GSE1: variants seen among roughly 807,000 people sequenced by gnomAD.
GSE1 encodes the protein Gse1 coiled-coil protein.
A neutral mutation model predicts 112.6 loss-of-function variants in GSE1; 32 were observed. The observed-to-expected ratio is 0.28, with a 90% CI of 0.21 to 0.38. The LOEUF (loss-of-function observed/expected upper bound fraction) is 0.38, where lower values mean the gene tolerates loss of function less well. Among genes scored for constraint, GSE1 ranks in the 10% least tolerant of loss-of-function variants. The pLI is 1.00. For missense variants in GSE1, 2,348 were observed against 1,699.2 expected (o/e 1.38, Z -6.71); for synonymous variants, 1,115 against 735.6 (o/e 1.52, Z -8.35).
intron 1 of GSE1, among the ~76,000 whole-genome samples, chr16:85,178,320 G>C (rs2074509909): frequency 6.6e-6 from 1 of 152,062 alleles, no homozygotes; most frequent in Non-Finnish European, 1.5e-5. Flanking sequence ...CTGGATGTTG[G>C]GGGGTAATGT....
chr16:85,171,160 G>A (rs1295587615), exon 1 of GSE1: 1 of 985,678 alleles, frequency 1.0e-6, no homozygotes, highest in African/African-American at 1.7e-5. Context: ...GGATGTCTGG[G>A]CCCTGTACCG....
At position 85,383,584 on chromosome 16, in the gene GSE1, ACTC is replaced by A. The variant is rs201905329; in HGVS notation, c.2464+25955_2464+25957del. On this transcript the variant is annotated intron_variant, in intron 2 of 2. Transcript: ENST00000637419. ...CTCTCTCTCTCTCTCTGACACTCAT[ACTC>A]CTCCTCCTCCTCCAGACCAGCCTGG... is the stretch of plus-strand genomic sequence containing the variant. Among the ~76,000 whole-genome samples the A allele has an allele frequency of 6.0e-3, 865 of 143,008 alleles. 9 individuals are homozygous for A. The highest frequency in any genetic ancestry group is 0.022 in the African/African-American group (815 of 37,078). 93.8% of individuals were successfully genotyped at this position (143,008 alleles called of 152,430 possible). A position where few individuals can be genotyped will look rare whatever the true frequency, so the allele number is the denominator to read the frequency against.
At chr16:85,175,400 C>T (rs1198120186) in intron 1 of GSE1, among the ~76,000 whole-genome samples, 2 of 152,180 alleles carry the variant, frequency 1.3e-5, no homozygotes, top group African/African-American at 4.8e-5. Context: ...GGAAGGACCC[C>T]GGGCTTGCCT....
exon 1 of GSE1, chr16:85,170,584 C>G (rs1187982339): frequency 2.0e-6 from 2 of 985,458 alleles, no homozygotes; most frequent in African/African-American, 3.5e-5. Context: ...CCGTGTCCCC[C>G]GGGCTCTCCA....
chr16:85,297,781 G>T (rs1421339276), intron 1 of GSE1, among the ~76,000 whole-genome samples: 1 of 152,196 alleles, frequency 6.6e-6, no homozygotes, highest in Non-Finnish European at 1.5e-5. Context: ...AAAGTGCTGG[G>T]ACTACAGACG....
At chr16:85,560,326 G>A (rs1005762015) in intron 1 of GSE1, among the ~76,000 whole-genome samples, 2 of 151,820 alleles carry the variant, frequency 1.3e-5, no homozygotes, top group African/African-American at 4.8e-5. Context: ...TAGTAGAGAC[G>A]GGGTTTTACC....
chr16:85,600,645 C>G (rs944161016), intron 1 of GSE1, among the ~76,000 whole-genome samples: 2 of 152,078 alleles, frequency 1.3e-5, no homozygotes, highest in African/African-American at 2.4e-5. Context: ...CCTGGTGGCT[C>G]TTTGCAAAAC....
intron 1 of GSE1, among the ~76,000 whole-genome samples, chr16:85,317,280 C>T (rs2046005277): frequency 6.6e-6 from 1 of 152,184 alleles, no homozygotes; most frequent in African/African-American, 2.4e-5. Context: ...TGGCTGTTGA[C>T]AGCAGGCATG....
intron 1 of GSE1, among the ~76,000 whole-genome samples, chr16:85,297,898 G>T (rs2045413139): frequency 6.6e-6 from 1 of 152,186 alleles, no homozygotes; most frequent in Admixed American, 6.5e-5. Context: ...TATTTTCAGG[G>T]TGCCGTGGAA....
At chr16:85,365,458 C>A (rs77677403) in intron 2 of GSE1, among the ~76,000 whole-genome samples, 1 of 152,186 alleles carries the variant, frequency 6.6e-6, no homozygotes, top group South Asian at 2.1e-4. Flanking sequence ...GCTGGGAACA[C>A]GAAAGAAGGA....
chr16:85,247,198 C>T (rs1010144321), intron 1 of GSE1, among the ~76,000 whole-genome samples: 4 of 152,172 alleles, frequency 2.6e-5, no homozygotes, highest in African/African-American at 9.7e-5. Flanking sequence ...GATTTCGCCA[C>T]GGGCTGGATG....
intron 2 of GSE1, among the ~76,000 whole-genome samples, chr16:85,430,861 G>GC (rs942219780): frequency 1.3e-5 from 2 of 152,220 alleles, no homozygotes; most frequent in Non-Finnish European, 1.5e-5. Flanking sequence ...GCCGGGCCCT[G>GC]CCCCGGGGTC....
chr16:85,434,885 T>A (rs2049208350), intron 2 of GSE1, among the ~76,000 whole-genome samples: 1 of 152,232 alleles, frequency 6.6e-6, no homozygotes, highest in Admixed American at 6.5e-5. Context: ...CATCTTGGTC[T>A]GCTGCCCCGT....
chr16:85,639,195 C>T (rs1286528608), intron 2 of GSE1, among the ~76,000 whole-genome samples: 1 of 152,218 alleles, frequency 6.6e-6, no homozygotes, highest in Non-Finnish European at 1.5e-5. Flanking sequence ...AGGGACGTCC[C>T]CGGGGCCGCC....
chr16:85,226,638 T>A, intron 1 of GSE1, among the ~76,000 whole-genome samples: 1 of 151,948 alleles, frequency 6.6e-6, no homozygotes, highest in Non-Finnish European at 1.5e-5. Context: ...TGTTGTGAGG[T>A]TTAGATAGAA....
intron 1 of GSE1, among the ~76,000 whole-genome samples, chr16:85,343,022 C>G (rs979941715): frequency 6.6e-6 from 1 of 151,994 alleles, no homozygotes; most frequent in African/African-American, 2.4e-5. Context: ...TGGAGAAGGC[C>G]TGGGGGTGCA....
chr16:85,547,217 T>C (rs532099981), intron 2 of GSE1, among the ~76,000 whole-genome samples: 10 of 152,332 alleles, frequency 6.6e-5, no homozygotes, highest in African/African-American at 2.4e-4. Flanking sequence ...GGGCATTTGA[T>C]AGAAGTGACA....
chr16:85,431,626 C>G (rs1013873401), intron 2 of GSE1, among the ~76,000 whole-genome samples: 2 of 152,168 alleles, frequency 1.3e-5, no homozygotes, highest in Non-Finnish European at 2.9e-5. Flanking sequence ...CCCCGAGACA[C>G]TTGGCCATGG....
chr16:85,599,164 G>A (rs1045782187), intron 1 of GSE1, among the ~76,000 whole-genome samples: 9 of 152,194 alleles, frequency 5.9e-5, no homozygotes, highest in Non-Finnish European at 1.3e-4. Context: ...TGAGTTACCC[G>A]GCGCTTCCTG....
Sources: gnomAD v4.1 joint callset for allele counts (sites outside exome capture counted in the v4.1 genomes callset) on GRCh38, gnomAD v4.1.1 for gene constraint, MANE v1.5 for transcripts, NCBI Gene and HGNC (gene_info 2026-07-23, HGNC 2026-07-21) for gene names.